Variants in CADM2 observed in about 807,000 individuals in gnomAD.
CADM2 encodes the protein immunoglobulin superfamily member 4D.
A neutral mutation model predicts 49.8 loss-of-function variants in CADM2; 12 were observed. The observed-to-expected ratio is 0.24, with a 90% CI of 0.15 to 0.39. CADM2 has a LOEUF of 0.39. Ranked by LOEUF, CADM2 falls within the 10% of genes least tolerant of loss-of-function variation. The pLI, the probability that CADM2 is intolerant of heterozygous loss-of-function variation, is 1.00. For missense variants in CADM2, 378 were observed against 492.3 expected, an observed-to-expected ratio of 0.77 and a Z score of 2.20; for synonymous variants, 214 against 175.4, an observed-to-expected ratio of 1.22 and a Z score of -1.74.
At chr3:86,053,649 C>T (rs1306379260) in intron 8 of CADM2, among the ~76,000 whole-genome samples, 2 of 151,884 alleles carry the variant, frequency 1.3e-5, no homozygotes, top group African/African-American at 2.4e-5. Context: ...GCAACTTTCC[C>T]GTATGAAAAT....
intron 1 of CADM2, among the ~76,000 whole-genome samples, chr3:85,332,097 C>A (rs1195263640): frequency 3.9e-5 from 6 of 151,988 alleles, no homozygotes; most frequent in Non-Finnish European, 8.8e-5. Context: ...ACATCAGTCA[C>A]AATATAAACC....
intron 1 of CADM2, among the ~76,000 whole-genome samples, chr3:85,478,242 T>C (rs1254394160): frequency 1.3e-5 from 2 of 151,918 alleles, no homozygotes; most frequent in African/African-American, 4.8e-5. Flanking sequence ...TGAAATCTAA[T>C]GAATAAATGC....
chr3:85,504,244 T>G (rs932346837), intron 1 of CADM2, among the ~76,000 whole-genome samples: 9 of 151,062 alleles, frequency 6.0e-5, no homozygotes, highest in Non-Finnish European at 1.0e-4. Flanking sequence ...GCTCTTAAGG[T>G]GGCGCGTCTG....
At chr3:85,168,282 T>C (rs556806512) in intron 1 of CADM2, among the ~76,000 whole-genome samples, 1 of 152,238 alleles carries the variant, frequency 6.6e-6, no homozygotes, top group East Asian at 1.9e-4. Flanking sequence ...CTCAAACTCC[T>C]GACTTCAAGT....
intron 1 of CADM2, among the ~76,000 whole-genome samples, chr3:85,368,339 A>T (rs1475326178): frequency 1.3e-5 from 2 of 152,216 alleles, no homozygotes; most frequent in African/African-American, 4.8e-5. Context: ...GTGGTGTTTT[A>T]GCCATTATAC....
At chr3:85,313,950 G>A (rs1037027703) in intron 1 of CADM2, among the ~76,000 whole-genome samples, 7 of 152,114 alleles carry the variant, frequency 4.6e-5, no homozygotes, top group African/African-American at 7.2e-5. Context: ...GAGTGCAGTC[G>A]TGCGATCTCG....
intron 1 of CADM2, among the ~76,000 whole-genome samples, chr3:85,562,011 TA>T (rs2062109043): frequency 6.6e-6 from 1 of 151,926 alleles, no homozygotes; most frequent in Admixed American, 6.6e-5. Flanking sequence ...AGAGAATAGG[TA>T]AAAAATAGAG....
intron 1 of CADM2, among the ~76,000 whole-genome samples, chr3:85,566,360 G>A (rs577842123): frequency 6.6e-6 from 1 of 151,908 alleles, no homozygotes; most frequent in African/African-American, 2.4e-5. Flanking sequence ...ACTGATACTG[G>A]GTGGAATTTT....
chr3:85,833,929 A>G (rs941741913), intron 3 of CADM2, among the ~76,000 whole-genome samples: 10 of 151,704 alleles, frequency 6.6e-5, no homozygotes, highest in Admixed American at 4.0e-4. Flanking sequence ...GATTGCATTG[A>G]ATCTGTAGAT....
chr3:85,165,462 C>T (rs1199230797), intron 1 of CADM2, among the ~76,000 whole-genome samples: 3 of 151,826 alleles, frequency 2.0e-5, no homozygotes, highest in Non-Finnish European at 2.9e-5. Context: ...TTAGGCTTCA[C>T]TTAAAAAATG....
At chr3:85,205,440 T>C (rs2041609039) in intron 1 of CADM2, among the ~76,000 whole-genome samples, 1 of 152,172 alleles carries the variant, frequency 6.6e-6, no homozygotes, top group South Asian at 2.1e-4. Context: ...TGTTATAAGT[T>C]TATGTAATTC....
intron 1 of CADM2, among the ~76,000 whole-genome samples, chr3:85,352,688 A>G (rs1248576694): frequency 6.6e-6 from 1 of 152,140 alleles, no homozygotes; most frequent in Non-Finnish European, 1.5e-5. Context: ...CACAGTATCC[A>G]GACCAAATAC....
chr3:85,981,222 T>C (rs966268692), intron 8 of CADM2, among the ~76,000 whole-genome samples: 38 of 151,330 alleles, frequency 2.5e-4, no homozygotes, highest in African/African-American at 9.2e-4. Context: ...ATTTCAAACC[T>C]ACACACACAC....
intron 1 of CADM2, among the ~76,000 whole-genome samples, chr3:84,967,995 C>G (rs142296340): frequency 6.6e-6 from 1 of 152,022 alleles, no homozygotes; most frequent in Non-Finnish European, 1.5e-5. Flanking sequence ...GAGTATTTCC[C>G]TCTGTTGTTA....
chr3:85,661,699 G>T (rs1559577411), intron 1 of CADM2, among the ~76,000 whole-genome samples: 1 of 151,866 alleles, frequency 6.6e-6, no homozygotes, highest in Admixed American at 6.6e-5. Context: ...CAAAGTGAAA[G>T]ACCACTAGCT....
chr3:85,986,349 A>G (rs1728107855), intron 8 of CADM2, among the ~76,000 whole-genome samples: 1 of 152,126 alleles, frequency 6.6e-6, no homozygotes, highest in African/African-American at 2.4e-5. Context: ...GTACTCAAAT[A>G]GAACATTTGG....
intron 1 of CADM2, among the ~76,000 whole-genome samples, chr3:85,370,546 A>G (rs924056325): frequency 6.6e-6 from 1 of 152,212 alleles, no homozygotes; most frequent in Non-Finnish European, 1.5e-5. Context: ...TGTTGATGCC[A>G]ATGAAAACAA....
In CADM2 at chr3:86,066,949, ATTCT is replaced by A; in HGVS notation, c.*169_*172del. ...CCAACAATCAGCTGTTGAAAGCATC[ATTCT>A]TTAATTACTGTACCATCCATAATGC... On this transcript the variant is annotated 3_prime_UTR_variant, in exon 10 of 10. Coordinates refer to ENST00000383699, the MANE Select transcript of CADM2 (RefSeq NM_001167675.2). 3 of 620,144 alleles carry A rather than the reference ATTCT, an allele frequency of 4.8e-6. No individual in the cohort carries two copies. The highest frequency in any genetic ancestry group is 8.7e-6 in the Non-Finnish European group (3 of 346,622). The allele number at this position is 620,144 out of a possible 1,614,324, so 38.4% of individuals were successfully genotyped here. A position where few individuals can be genotyped will look rare whatever the true frequency, so the allele number is the denominator to read the frequency against.
chr3:84,980,582 G>A (rs959924322), intron 1 of CADM2, among the ~76,000 whole-genome samples: 1 of 152,104 alleles, frequency 6.6e-6, no homozygotes, highest in Non-Finnish European at 1.5e-5. Context: ...ACCGTTTTAT[G>A]TTGTACTGTT....
Sources: allele counts gnomAD v4.1 joint callset (sites outside exome capture counted in the v4.1 genomes callset), GRCh38; gene constraint gnomAD v4.1.1; transcripts MANE v1.5; gene names NCBI Gene and HGNC (gene_info 2026-07-23, HGNC 2026-07-21).